The following NOSIP variants were observed in gnomAD, a reference collection of about 807,000 sequenced individuals.
NOSIP encodes nitric oxide synthase-interacting protein.
A neutral mutation model predicts 36.4 loss-of-function variants in NOSIP; 25 were observed. The observed-to-expected ratio is 0.69, with a 90% CI of 0.50 to 0.96. The LOEUF is 0.96. Ranked by LOEUF, NOSIP falls within the 40% of genes least tolerant of loss-of-function variation. The pLI is 0.00. For missense variants in NOSIP, 370 were observed against 429.0 expected (o/e 0.86, Z 1.21); for synonymous variants, 187 against 179.2 (o/e 1.04, Z -0.35).
intron 1 of NOSIP, among the ~76,000 whole-genome samples, chr19:49,571,226 TC>T (rs1452659906): frequency 6.6e-6 from 1 of 151,092 alleles, no homozygotes; most frequent in Non-Finnish European, 1.5e-5. Flanking sequence ...TCTCAAGTGA[TC>T]CGCCCACCTC....
chr19:49,561,913 G>A (rs1352091085), intron 1 of NOSIP, among the ~76,000 whole-genome samples: 1 of 151,390 alleles, frequency 6.6e-6, no homozygotes, highest in African/African-American at 2.4e-5. Flanking sequence ...CATTGCCTAA[G>A]CCAAGATAAT....
Position 49,555,699 on chromosome 19 carries a change from G to C in NOSIP, c.*52C>G, listed in dbSNP as rs748001133. On this transcript the variant is annotated 3_prime_UTR_variant, in exon 9 of 9. Transcript: ENST00000596358. ...CCGGGGCGCCCACGCCGCGAATGAA[G>C]GCGCCACGTCGTTGCGCACCCAAGC... 6.6e-7 allele frequency: 1 copy of C among 1,510,950 alleles called. No homozygotes were observed. Among genetic ancestry groups the C allele is most frequent in the Non-Finnish European group, 9.2e-7 (1 of 1,088,764 alleles). 93.6% of individuals were successfully genotyped at this position (1,510,950 alleles called of 1,614,324 possible). A position where few individuals can be genotyped will look rare whatever the true frequency, so the allele number is the denominator to read the frequency against.
intron 3 of NOSIP, chr19:49,559,314 C>T (rs1568724248): frequency 1.3e-5 from 3 of 229,570 alleles, no homozygotes; most frequent in South Asian, 1.5e-4. Context: ...GCCACGAGTT[C>T]GAGACCAGCC....
In NOSIP at chr19:49,564,505, C is replaced by A. The variant is rs1264236002; in HGVS notation, c.-1-3813G>T. On this transcript the variant is annotated intron_variant, in intron 1 of 8. Transcript: ENST00000596358. ...AATAAAACTTCATTGAGATACCTCC[C>A]CACACGCACCACAAGGGTTGCAATT... 8.6e-5 allele frequency among the ~76,000 whole-genome samples: 13 copies of A among 151,662 alleles called. No homozygotes were observed. The East Asian group carries it at 2.5e-3, about 29-fold the overall frequency.
At chr19:49,557,860 G>A in intron 4 of NOSIP, 1 of 988,074 alleles carries the variant, frequency 1.0e-6, no homozygotes, top group Non-Finnish European at 1.2e-6. Context: ...TGAGTGAGGA[G>A]GTAACAGTGA....
intron 1 of NOSIP, among the ~76,000 whole-genome samples, chr19:49,573,014 C>T (rs1371002368): frequency 6.6e-6 from 1 of 151,702 alleles, no homozygotes; most frequent in Admixed American, 6.6e-5. Flanking sequence ...GAAGCAGACC[C>T]TGGCTCTAAG....
chr19:49,559,148 A>C, intron 3 of NOSIP, 170 bp from the exon 4 acceptor site: 1 of 639,444 alleles, frequency 1.6e-6, no homozygotes. Context: ...AGTTTACTGC[A>C]GTGAAAGGAT....
At chr19:49,574,848 A>G (rs1042804008) in intron 1 of NOSIP, among the ~76,000 whole-genome samples, 1 of 146,550 alleles carries the variant, frequency 6.8e-6, no homozygotes, top group Admixed American at 6.8e-5. Context: ...GGCGTCCACC[A>G]CCATGCCTGG....
intron 1 of NOSIP, chr19:49,579,249 T>G (rs753970548): frequency 6.6e-6 from 1 of 152,204 alleles, no homozygotes; most frequent in Non-Finnish European, 1.5e-5. Context: ...ATGATGGTAT[T>G]GTGGTCATAT....
chr19:49,575,292 C>G, intron 1 of NOSIP, among the ~76,000 whole-genome samples: 1 of 152,322 alleles, frequency 6.6e-6, no homozygotes, highest in African/African-American at 2.4e-5. Flanking sequence ...AGCCACCATG[C>G]GCAGCCTCCT....
At chr19:49,556,018 A>T (rs1243158479) in intron 8 of NOSIP, among the ~76,000 whole-genome samples, 196 bp from the exon 9 acceptor site, 3 of 124,668 alleles carry the variant, frequency 2.4e-5, no homozygotes, top group East Asian at 4.5e-4. Flanking sequence ...GAGGGTAGAG[A>T]GTGGCAGGGG....
chr19:49,563,654 C>G (rs1045060386), intron 1 of NOSIP, among the ~76,000 whole-genome samples: 1 of 151,996 alleles, frequency 6.6e-6, no homozygotes, highest in African/African-American at 2.4e-5. Flanking sequence ...CCACCATACC[C>G]AGCTAATTTT....
At chr19:49,565,676 T>C (rs1310231251) in intron 1 of NOSIP, among the ~76,000 whole-genome samples, 1 of 151,314 alleles carries the variant, frequency 6.6e-6, no homozygotes, top group Non-Finnish European at 1.5e-5. Context: ...GAGGACTGCT[T>C]GAGCCTGGGA....
Position 49,559,394 on chromosome 19 carries a change from G to A in NOSIP, c.177-416C>T, listed in dbSNP as rs149656652. The A allele has an allele frequency of 2.8e-3, 527 of 185,706 alleles. 3 individuals are homozygous for A. The highest frequency in any genetic ancestry group is 0.011 in the African/African-American group (474 of 42,102). 11.5% of individuals were successfully genotyped at this position (185,706 alleles called of 1,614,324 possible). On this transcript the variant is annotated intron_variant, in intron 3 of 8. Coordinates refer to ENST00000596358, the MANE Select transcript of NOSIP (RefSeq NM_001270960.2). ...ACGCCAGGTGTGGTAGTGCACACCC[G>A]TGGTTCCAGCTACTCGTGGGGGCTG...
intron 4 of NOSIP, chr19:49,557,561 C>T (rs961205839): frequency 9.7e-6 from 12 of 1,240,354 alleles, no homozygotes; most frequent in Non-Finnish European, 1.2e-5. Context: ...TGAAGGGTTA[C>T]ATAAGGTGAG....
chr19:49,555,979 C>T (rs1462861532), intron 8 of NOSIP, among the ~76,000 whole-genome samples, 157 bp from the exon 9 acceptor site: 2 of 145,704 alleles, frequency 1.4e-5, no homozygotes, highest in East Asian at 2.0e-4. Flanking sequence ...GCAGTGGGTA[C>T]GGATGGACAG....
At chr19:49,564,745 A>G (rs2080383841) in intron 1 of NOSIP, among the ~76,000 whole-genome samples, 1 of 152,140 alleles carries the variant, frequency 6.6e-6, no homozygotes, top group Non-Finnish European at 1.5e-5. Context: ...CCTATTCACA[A>G]TGGCTCATAA....
At chr19:49,575,975 CA>C (rs2080547526) in intron 1 of NOSIP, among the ~76,000 whole-genome samples, 1 of 151,998 alleles carries the variant, frequency 6.6e-6, no homozygotes, top group South Asian at 2.1e-4. Flanking sequence ...ACTAATAATA[CA>C]AAAACAAAAT....
chr19:49,562,629 C>A (rs1322538607), intron 1 of NOSIP, among the ~76,000 whole-genome samples: 5 of 152,020 alleles, frequency 3.3e-5, no homozygotes, highest in Non-Finnish European at 7.4e-5. Context: ...GCCTGTAATC[C>A]CAGCACTTTG....
Sources: allele counts gnomAD v4.1 joint callset (sites outside exome capture counted in the v4.1 genomes callset), GRCh38; gene constraint gnomAD v4.1.1; transcripts MANE v1.5; gene names NCBI Gene and HGNC (gene_info 2026-07-23, HGNC 2026-07-21).